CSMD1: variants seen among roughly 807,000 people sequenced by gnomAD.
CSMD1 encodes CUB and Sushi multiple domains 1.
CSMD1 carries 213 observed loss-of-function variants against 417.5 expected under a neutral mutation model. The ratio of observed to expected loss-of-function variants is 0.51; its 90% CI spans 0.46 to 0.57. The LOEUF (loss-of-function observed/expected upper bound fraction) is 0.57. CSMD1 is among the 20% of genes least tolerant of loss of function. The pLI, the probability that CSMD1 is intolerant of heterozygous loss-of-function variation, is 0.00. For synonymous variants in CSMD1, 2,862 were observed against 1,736.8 expected, an observed-to-expected ratio of 1.65 and a Z score of -16.11; for missense variants, 6,923 against 4,529.7, an observed-to-expected ratio of 1.53 and a Z score of -15.17.
chr8:4,760,098 A>G (rs1811945208), intron 1 of CSMD1, among the ~76,000 whole-genome samples: 1 of 152,190 alleles, frequency 6.6e-6, no homozygotes, highest in Non-Finnish European at 1.5e-5. Context: ...TTTAATAAGC[A>G]TCATTCTGAC....
chr8:3,741,597 C>G lies in CSMD1; in HGVS notation c.931+12333G>C, dbSNP rs1255498900. The stretch of plus-strand genomic sequence containing the variant: ...TTCAAGATTAACTGTTTGTTAGAAC[C>G]TGAATTATTCAGTGCAAATAGTGCA... On this transcript the variant is annotated intron_variant, in intron 6 of 69. Coordinates refer to ENST00000635120, the MANE Select transcript of CSMD1 (RefSeq NM_033225.6). 2.6e-5 allele frequency among the ~76,000 whole-genome samples: 4 copies of G among 152,116 alleles called. No homozygotes were observed. In the South Asian group the frequency reaches 8.3e-4, roughly 31 times the overall value.
chr8:4,454,356 T>C (rs1799342788), intron 2 of CSMD1, among the ~76,000 whole-genome samples: 1 of 152,102 alleles, frequency 6.6e-6, no homozygotes, highest in African/African-American at 2.4e-5. Context: ...TTACTTTTCT[T>C]CTCCCAACAC....
At chr8:3,048,128 A>G (rs1213144230) in intron 50 of CSMD1, among the ~76,000 whole-genome samples, 1 of 152,188 alleles carries the variant, frequency 6.6e-6, no homozygotes, top group Non-Finnish European at 1.5e-5. Flanking sequence ...AGGTAAAACA[A>G]TTTCTATTTA....
Position 3,201,645 on chromosome 8 carries a change from T to G in CSMD1, c.5065A>C (p.Arg1689=). 1 of 1,605,702 alleles carries G rather than the reference T, an allele frequency of 6.2e-7. No individual in the cohort carries two copies. Among genetic ancestry groups the G allele is most frequent in the Non-Finnish European group, 8.5e-7 (1 of 1,175,964 alleles). Residue 1689 remains arginine (R), a synonymous_variant, in exon 32 of 70, where the codon AGA becomes CGA. Transcript: ENST00000635120. ...ELFDGTHAQA[R]LLSSLSGSHS... ...GACCCCGAGAGTGAGCTGAGAAGTC[T>G]GGCCTGTGCATGGGTTCCATCAAAT...
intron 5 of CSMD1, among the ~76,000 whole-genome samples, chr8:3,774,223 C>A (rs1385516718): frequency 6.6e-6 from 1 of 152,160 alleles, no homozygotes; most frequent in East Asian, 1.9e-4. Flanking sequence ...TATCCAACAA[C>A]TTTTGGCTCA....
chr8:3,286,224 C>A (rs1165957064), intron 25 of CSMD1, among the ~76,000 whole-genome samples: 1 of 152,166 alleles, frequency 6.6e-6, no homozygotes, highest in Non-Finnish European at 1.5e-5. Flanking sequence ...TCCAGTCTAT[C>A]ATTGTTGGAC....
chr8:4,902,647 T>C (rs995164040), intron 1 of CSMD1, among the ~76,000 whole-genome samples: 11 of 152,284 alleles, frequency 7.2e-5, no homozygotes, highest in African/African-American at 2.6e-4. Context: ...CTTTATAACT[T>C]TTATGGCATA....
At chr8:3,697,261 G>A (rs2623590) in intron 7 of CSMD1, among the ~76,000 whole-genome samples, 122,109 of 152,178 alleles carry the variant, frequency 0.8, 49,356 homozygotes, top group African/African-American at 0.91. Flanking sequence ...CTGTAATTCT[G>A]TAAGCACTCT....
intron 49 of CSMD1, among the ~76,000 whole-genome samples, chr8:3,069,516 T>G (rs933973022): frequency 6.6e-6 from 1 of 152,098 alleles, no homozygotes; most frequent in African/African-American, 2.4e-5. Flanking sequence ...CAGTAAATCT[T>G]AAACCTCCCA....
intron 23 of CSMD1, among the ~76,000 whole-genome samples, chr8:3,311,398 A>ATG (rs1212198080): frequency 6.6e-6 from 1 of 152,022 alleles, no homozygotes; most frequent in African/African-American, 2.4e-5. Context: ...TATAAGTGCG[A>ATG]GCCATCACAC....
At chr8:4,198,938 G>T (rs945890037) in intron 3 of CSMD1, among the ~76,000 whole-genome samples, 1 of 140,032 alleles carries the variant, frequency 7.1e-6, no homozygotes, top group South Asian at 2.3e-4. Context: ...GTATTTCCGT[G>T]TGTGTATTTA....
chr8:4,749,849 G>A (rs918916109), intron 1 of CSMD1, among the ~76,000 whole-genome samples: 1 of 152,100 alleles, frequency 6.6e-6, no homozygotes, highest in Non-Finnish European at 1.5e-5. Flanking sequence ...AAGCCAGGGT[G>A]TGGATTTACG....
chr8:4,973,003 AT>A (rs1365631715), intron 1 of CSMD1, among the ~76,000 whole-genome samples: 2 of 152,142 alleles, frequency 1.3e-5, no homozygotes, highest in African/African-American at 4.8e-5. Flanking sequence ...ATTTGATCCC[AT>A]CGTTTTATAT....
chr8:3,489,140 C>T (rs929954357), intron 11 of CSMD1, among the ~76,000 whole-genome samples: 1 of 151,994 alleles, frequency 6.6e-6, no homozygotes, highest in African/African-American at 2.4e-5. Flanking sequence ...AGAATGATAC[C>T]CTTTGACTCA....
intron 5 of CSMD1, among the ~76,000 whole-genome samples, chr8:3,779,416 G>C (rs1682927401): frequency 6.6e-6 from 1 of 152,056 alleles, no homozygotes; most frequent in Admixed American, 6.6e-5. Flanking sequence ...GCACTACGTA[G>C]GAGCATCAAG....
At chr8:3,934,582 C>T (rs144646507) in intron 5 of CSMD1, among the ~76,000 whole-genome samples, 170 of 152,204 alleles carry the variant, frequency 1.1e-3, no homozygotes, top group African/African-American at 3.7e-3. Context: ...TGGCCAGGCG[C>T]GGTGGCTGAT....
At chr8:3,338,182 C>A (rs765364095) in intron 23 of CSMD1, among the ~76,000 whole-genome samples, 31 of 152,150 alleles carry the variant, frequency 2.0e-4, no homozygotes, top group Admixed American at 7.2e-4. Context: ...TATTTGATAT[C>A]TGAATCCAGT....
chr8:3,264,925 G>A (rs905147585), intron 26 of CSMD1, among the ~76,000 whole-genome samples: 1 of 151,934 alleles, frequency 6.6e-6, no homozygotes, highest in African/African-American at 2.4e-5. Flanking sequence ...TGCTAACATC[G>A]GTATAGCTTA....
At chr8:3,871,622 A>G (rs1471607416) in intron 5 of CSMD1, among the ~76,000 whole-genome samples, 1 of 152,140 alleles carries the variant, frequency 6.6e-6, no homozygotes, top group Non-Finnish European at 1.5e-5. Flanking sequence ...ATTATACAGG[A>G]TATATTTTTT....
Sources: gnomAD v4.1 joint callset for allele counts (sites outside exome capture counted in the v4.1 genomes callset) on GRCh38, gnomAD v4.1.1 for gene constraint, MANE v1.5 for transcripts, NCBI Gene and HGNC (gene_info 2026-07-23, HGNC 2026-07-21) for gene names.